Variants in UBASH3A observed in about 807,000 individuals in gnomAD.
The protein encoded by UBASH3A is ubiquitin associated and SH3 domain containing A, also known as ubiquitin-associated and SH3 domain-containing protein A.
A neutral mutation model predicts 73.5 loss-of-function variants in UBASH3A; 63 were observed. The observed-to-expected ratio is 0.86, with a 90% confidence interval of 0.70 to 1.06. UBASH3A has a LOEUF of 1.06. Among genes scored for constraint, UBASH3A ranks in the 50% least tolerant of loss-of-function variants. The pLI is 0.00. For missense variants in UBASH3A, 860 were observed against 859.0 expected, an observed-to-expected ratio of 1.00 and a Z score of -0.02; for synonymous variants, 363 against 351.1, an observed-to-expected ratio of 1.03 and a Z score of -0.38.
intron 8 of UBASH3A, among the ~76,000 whole-genome samples, chr21:42,430,708 C>T (rs2053513047): frequency 6.6e-6 from 1 of 152,194 alleles, no homozygotes; most frequent in South Asian, 2.1e-4. Context: ...TTTCCATGTT[C>T]ATCCCTTGGC....
chr21:42,406,269 G>A (rs2146484828), intron 1 of UBASH3A, 39 bp from the exon 2 acceptor site: 3 of 1,590,956 alleles, frequency 1.9e-6, no homozygotes, highest in East Asian at 4.5e-5. Context: ...TCCCAAGAAT[G>A]GGCGACGTGA....
chr21:42,430,862 G>A lies in UBASH3A; in HGVS notation c.1171-1241G>A, dbSNP rs7281738. Among the ~76,000 whole-genome samples the A allele has an allele frequency of 2.4e-3, 361 of 152,300 alleles. 2 individuals carry two copies. Among genetic ancestry groups the A allele is most frequent in the African/African-American group, 8.3e-3 (344 of 41,550 alleles). On this transcript the variant is annotated intron_variant, in intron 8 of 14. Transcript: ENST00000319294. The stretch of plus-strand genomic sequence containing the variant: ...GGGTGCCAGAGGGCAGCACCACTGG[G>A]CCTGTGTTGCTGCAGGGTTCCCCAC...
chr21:42,430,678 A>G (rs1031443751), intron 8 of UBASH3A, among the ~76,000 whole-genome samples: 7 of 152,004 alleles, frequency 4.6e-5, no homozygotes, highest in Non-Finnish European at 8.8e-5. Context: ...TGCCCCCACC[A>G]TCTCTGTTAA....
At chr21:42,432,270 A>G in intron 9 of UBASH3A, 68 bp downstream of exon 9, 1 of 1,066,630 alleles carries the variant, frequency 9.4e-7, no homozygotes, top group South Asian at 1.4e-5. Context: ...TCTCCTTCTT[A>G]ATGACCTTAC....
chr21:42,439,561 G>A (rs1052042664), intron 11 of UBASH3A, among the ~76,000 whole-genome samples: 5 of 152,224 alleles, frequency 3.3e-5, no homozygotes, highest in African/African-American at 1.2e-4. Flanking sequence ...TGTAGCCGGA[G>A]GCCAGAGGCA....
In UBASH3A at chr21:42,424,783, A is replaced by C. The variant is rs373934453; in HGVS notation, c.1047-1914A>C. Among the ~76,000 whole-genome samples, 3 of 152,358 alleles carry C rather than the reference A, an allele frequency of 2.0e-5. 1 individual carries two copies. Among genetic ancestry groups the C allele is most frequent in the East Asian group, 1.9e-4 (1 of 5,190 alleles). ...TGACCCCTAACACCTCAGAATGTGA[A>C]CTTATTTGGAGACAGGGTCTTTAAA... On this transcript the variant is annotated intron_variant, in intron 7 of 14. Transcript: ENST00000319294.
chr21:42,407,382 G>T (rs2052998766), intron 2 of UBASH3A, among the ~76,000 whole-genome samples: 1 of 152,128 alleles, frequency 6.6e-6, no homozygotes, highest in Non-Finnish European at 1.5e-5. Context: ...TAGGCCACGG[G>T]CAAAATGGGC....
intron 11 of UBASH3A, among the ~76,000 whole-genome samples, chr21:42,438,970 C>T (rs183007432): frequency 7.0e-4 from 106 of 152,178 alleles, no homozygotes; most frequent in Non-Finnish European, 1.3e-3. Flanking sequence ...CACGAGGGGC[C>T]GGGACCTTCA....
chr21:42,406,509 C>T (rs3746925), intron 2 of UBASH3A, 148 bp downstream of exon 2: 65,598 of 657,152 alleles, frequency 0.1, 5,002 homozygotes, highest in East Asian at 0.28. Context: ...AAATAACCTC[C>T]CTGCCTACCC....
Position 42,423,577 on chromosome 21 carries a change from T to C in UBASH3A, c.1047-3120T>C, listed in dbSNP as rs916867668. The stretch of plus-strand genomic sequence containing the variant: ...ATCATTTAGCATGTCCTTCGCTCTC[T>C]GCCCGGGATGGGAGAGTTTCACAGT... On this transcript the variant is annotated intron_variant, in intron 7 of 14. Coordinates refer to ENST00000319294, the MANE Select transcript of UBASH3A (RefSeq NM_018961.4). Among the ~76,000 whole-genome samples, 3 of 152,326 alleles carry C rather than the reference T, an allele frequency of 2.0e-5. 1 individual carries two copies. The highest frequency in any genetic ancestry group is 1.9e-4 in the East Asian group (1 of 5,186).
In UBASH3A at chr21:42,442,002, G is replaced by A. The variant is rs114894706; in HGVS notation, c.1487-450G>A. Among the ~76,000 whole-genome samples, 1,101 of 152,234 alleles carry A rather than the reference G, an allele frequency of 7.2e-3. 12 individuals are homozygous for A. Among genetic ancestry groups the A allele is most frequent in the African/African-American group, 0.025 (1,024 of 41,542 alleles). ...CCTTCCATTCTTCACCTCTTGCCCC[G>A]TCTGTGTAAGTGTTTATCAGGAAAG... On this transcript the variant is annotated intron_variant, in intron 11 of 14. Coordinates refer to ENST00000319294, the MANE Select transcript of UBASH3A (RefSeq NM_018961.4).
chr21:42,441,398 T>C (rs907119742), intron 11 of UBASH3A, among the ~76,000 whole-genome samples: 3 of 144,502 alleles, frequency 2.1e-5, no homozygotes, highest in Non-Finnish European at 4.6e-5. Flanking sequence ...CTTCACAGGC[T>C]TGGGGGAGAT....
chr21:42,434,922 C>A lies in UBASH3A; in HGVS notation c.1361C>A (p.Ser454Ter), dbSNP rs1345708205. ...GACTTTGAAAACGATCCCCCATTATCATCGTGTGGCATTTTCCAGTCCAGA... is the reference window on the plus strand; with the variant it reads ...GACTTTGAAAACGATCCCCCATTATAATCGTGTGGCATTTTCCAGTCCAGA... Reference protein sequence around the residue: ...IKDFENDPPLSSCGIFQSRIA... With the variant: ...IKDFENDPPL Residue 454 changes from serine to a stop codon, truncating the protein, a stop_gained, in exon 10 of 15, where the codon TCA becomes TAA. Coordinates refer to ENST00000319294, the MANE Select transcript of UBASH3A (RefSeq NM_018961.4). LOFTEE classifies it high-confidence loss of function. The A allele has an allele frequency of 3.1e-6, 5 of 1,614,112 alleles. No homozygotes were observed. Among genetic ancestry groups the A allele is most frequent in the Non-Finnish European group, 4.2e-6 (5 of 1,180,042 alleles).
At position 42,409,478 on chromosome 21, in the gene UBASH3A, C is replaced by T. The variant is rs1398571790; in HGVS notation, c.224C>T (p.Ala75Val). ...SLDDPIPQEY[A>V]LFLCPTGPLL... ...GACGACCCCATCCCCCAGGAGTATG[C>T]CCTTTTCCTCTGTCCAACGGGGCCC... The change falls in exon 3 of 15, where the codon GCC becomes GTC. Residue 75 changes from alanine (A) to valine (V), a missense_variant. Physicochemically the swap from Ala to Val is moderately conservative, Grantham distance 64 (BLOSUM62 0). Coordinates refer to ENST00000319294, the MANE Select transcript of UBASH3A (RefSeq NM_018961.4). 3 of 1,613,966 alleles carry T rather than the reference C, an allele frequency of 1.9e-6. No individual in the cohort carries two copies. The Admixed American group carries it at 5.0e-5, about 27-fold the overall frequency.
intron 8 of UBASH3A, among the ~76,000 whole-genome samples, chr21:42,431,816 C>G (rs1047243249): frequency 1.3e-5 from 2 of 152,198 alleles, no homozygotes; most frequent in Non-Finnish European, 2.9e-5. Context: ...TTAGAAAAGA[C>G]AGAAAAGTAG....
chr21:42,406,367 T>C lies in UBASH3A; in HGVS notation c.167+6T>C. 1 of 1,612,948 alleles carries C rather than the reference T, an allele frequency of 6.2e-7. No individual in the cohort carries two copies. Among genetic ancestry groups the C allele is most frequent in the Non-Finnish European group, 8.5e-7 (1 of 1,178,948 alleles). ...GCGGAGGAGGCCTTGGCCTGGTGAG[T>C]GCAGCTGCTTCTGTAGACCCAGGGG... On this transcript the variant is annotated splice_donor_region_variant and intron_variant, in intron 2 of 14. Transcript: ENST00000319294.
chr21:42,416,919 C>T (rs1220153600), intron 6 of UBASH3A, among the ~76,000 whole-genome samples: 3 of 151,984 alleles, frequency 2.0e-5, no homozygotes, highest in African/African-American at 7.3e-5. Flanking sequence ...GGCTACAGAG[C>T]GAGACGTCTC....
chr21:42,410,505 C>T (rs914869118), intron 3 of UBASH3A: 26 of 401,266 alleles, frequency 6.5e-5, no homozygotes, highest in African/African-American at 5.3e-4. Context: ...CCAGGAGAAG[C>T]AGTACCTTCC....
chr21:42,444,183 G>T (rs750519898), intron 13 of UBASH3A, among the ~76,000 whole-genome samples: 1 of 152,136 alleles, frequency 6.6e-6, no homozygotes, highest in Non-Finnish European at 1.5e-5. Flanking sequence ...CAAAATAACC[G>T]GCTGACCTTT....
Sources: allele counts gnomAD v4.1 joint callset (sites outside exome capture counted in the v4.1 genomes callset), GRCh38; gene constraint gnomAD v4.1.1; transcripts MANE v1.5; gene names NCBI Gene and HGNC (gene_info 2026-07-23, HGNC 2026-07-21).